The following FMR1 variants were observed in gnomAD, a reference collection of about 807,000 sequenced individuals.
FMR1 encodes FMRP translational regulator 1.
FMR1 carries 13 observed loss-of-function variants against 50.6 expected under a neutral mutation model. That is an observed-to-expected ratio of 0.26 (90% CI 0.17 to 0.41). The LOEUF (loss-of-function observed/expected upper bound fraction) is 0.41, where lower values mean the gene tolerates loss of function less well. Among genes scored for constraint, FMR1 ranks in the 10% least tolerant of loss-of-function variants. The pLI is 1.00. For synonymous variants in FMR1, 138 were observed against 164.1 expected (o/e 0.84, Z 1.22); for missense variants, 316 against 491.3 (o/e 0.64, Z 3.37).
At chrX:147,940,725 A>C in intron 13 of FMR1, 63 bp downstream of exon 13, 1 of 750,510 alleles carries the variant, frequency 1.3e-6, no homozygotes, top group Non-Finnish European at 2.1e-6. Flanking sequence ...ACTTTATAGT[A>C]GATCTTTCAG....
intron 5 of FMR1, among the ~76,000 whole-genome samples, chrX:147,929,452 T>C (rs1891961485): frequency 1.8e-5 from 2 of 111,000 alleles, no homozygotes; most frequent in Middle Eastern, 9.2e-3. Context: ...TACGTTTCCT[T>C]CTCTCCCTCA....
intron 14 of FMR1, chrX:147,943,544 G>C (rs782048725): frequency 9.6e-6 from 4 of 416,955 alleles, no homozygotes; most frequent in Non-Finnish European, 1.7e-5. Context: ...GCTCTGATTG[G>C]GGGTAAATCT....
At chrX:147,945,659 G>A (rs2044147480) in intron 16 of FMR1, 43 bp downstream of exon 16, 14 of 935,953 alleles carry the variant, frequency 1.5e-5, no homozygotes, top group Non-Finnish European at 2.2e-5. Flanking sequence ...GTTTGAATAT[G>A]GTAGTTTGAG....
chrX:147,936,427 A>G, intron 9 of FMR1, 77 bp from the exon 10 acceptor site: 3 of 620,006 alleles, frequency 4.8e-6, no homozygotes, highest in Non-Finnish European at 8.2e-6. Context: ...TATGAATGTA[A>G]TAGTTTACAG....
intron 3 of FMR1, chrX:147,928,088 T>C (rs1280865271): frequency 8.5e-6 from 3 of 351,711 alleles, no homozygotes; most frequent in South Asian, 6.9e-5. Context: ...AACAGAAATA[T>C]AGGAAAACTG....
chrX:147,929,608 A>G (rs1318797046), intron 5 of FMR1, among the ~76,000 whole-genome samples: 1 of 110,739 alleles, frequency 9.0e-6, no homozygotes, highest in African/African-American at 3.3e-5. Flanking sequence ...GGAAAAAAAA[A>G]GGCCTGCAAC....
chrX:147,929,197 A>G (rs1557178167), intron 5 of FMR1, among the ~76,000 whole-genome samples: 1 of 112,204 alleles, frequency 8.9e-6, no homozygotes, highest in African/African-American at 3.2e-5. Flanking sequence ...TTTCAGATAA[A>G]TGTGTAATAA....
intron 11 of FMR1, among the ~76,000 whole-genome samples, 165 bp downstream of exon 11, chrX:147,937,765 C>T (rs2043841334): frequency 8.9e-6 from 1 of 111,953 alleles, no homozygotes; most frequent in Non-Finnish European, 1.9e-5. Context: ...TAGTGTGATA[C>T]ATACTTTTCA....
chrX:147,944,403 G>C, intron 14 of FMR1: 1 of 753,669 alleles, frequency 1.3e-6, no homozygotes, highest in Non-Finnish European at 1.6e-6. Context: ...TGCCATGGTG[G>C]CCTCCTTTGC....
At chrX:147,948,568 C>G (rs1216392009) in intron 16 of FMR1, 115 bp from the exon 17 acceptor site, 2 of 1,166,648 alleles carry the variant, frequency 1.7e-6, no homozygotes, top group African/African-American at 3.6e-5. Context: ...GTTCTCATCT[C>G]CATTTCTCTT....
Position 147,921,913 on chromosome X carries a change from T to G in FMR1, c.52-20T>G. ...CTATCTTTAAGCTCACAAGTTAATT[T>G]AACGTTTTTTCTTACACAGGCATTT... On this transcript the variant is annotated intron_variant, in intron 1 of 16. Transcript: ENST00000370475. The G allele has an allele frequency of 9.1e-7, 1 of 1,096,033 alleles. No homozygotes were observed. Among genetic ancestry groups the G allele is most frequent in the African/African-American group, 1.8e-5 (1 of 55,757 alleles). The allele number at this position is 1,096,033 out of a possible 1,213,427, so 90.3% of individuals were successfully genotyped here.
intron 3 of FMR1, 103 bp downstream of exon 3, chrX:147,925,736 T>G: frequency 1.8e-6 from 1 of 567,925 alleles, no homozygotes; most frequent in Non-Finnish European, 3.1e-6. Flanking sequence ...TAAATTACTT[T>G]GAGAATTACA....
chrX:147,912,979 ATGCT>A (rs1292839940), intron 1 of FMR1: 32 of 271,311 alleles, frequency 1.2e-4, no homozygotes, highest in African/African-American at 8.9e-4. Context: ...AGGAATGCAC[ATGCT>A]TCAGCGTCTA....
intron 10 of FMR1, 151 bp from the exon 11 acceptor site, chrX:147,937,315 G>A (rs1420219603): frequency 1.4e-4 from 60 of 440,166 alleles, no homozygotes; most frequent in African/African-American, 2.3e-4. Context: ...TTTTTTCTGC[G>A]TACAATTTGT....
chrX:147,940,468 A>G, intron 12 of FMR1, 108 bp from the exon 13 acceptor site: 4 of 569,383 alleles, frequency 7.0e-6, no homozygotes, highest in Non-Finnish European at 9.5e-6. Context: ...AAACATTTGT[A>G]TACCTGCTGT....
chrX:147,942,518 T>A (rs2124563464), intron 13 of FMR1, among the ~76,000 whole-genome samples: 1 of 112,575 alleles, frequency 8.9e-6, no homozygotes, highest in African/African-American at 3.2e-5. Flanking sequence ...AAGACCTAGC[T>A]GTCTGGTCAG....
intron 9 of FMR1, among the ~76,000 whole-genome samples, chrX:147,935,675 A>G (rs2043766929): frequency 8.9e-6 from 1 of 112,280 alleles, no homozygotes; most frequent in African/African-American, 3.2e-5. Flanking sequence ...CCAGTAATGT[A>G]TATGATTGTA....
chrX:147,922,778 A>G (rs1214767068), intron 2 of FMR1, among the ~76,000 whole-genome samples: 1 of 111,628 alleles, frequency 9.0e-6, no homozygotes, highest in Non-Finnish European at 1.9e-5. Flanking sequence ...AATTAATAAT[A>G]TATCAAAAGC....
chrX:147,940,894 A>ATTC (rs2043978547), intron 13 of FMR1, among the ~76,000 whole-genome samples: 1 of 111,774 alleles, frequency 8.9e-6, no homozygotes, highest in Admixed American at 9.5e-5. Context: ...ACTTCCCTTT[A>ATTC]TTCTTCTCTT....
Sources: gnomAD v4.1 joint callset for allele counts (sites outside exome capture counted in the v4.1 genomes callset) on GRCh38, gnomAD v4.1.1 for gene constraint, MANE v1.5 for transcripts, NCBI Gene and HGNC (gene_info 2026-07-23, HGNC 2026-07-21) for gene names.